Variants in PTPRM observed in about 807,000 individuals in gnomAD.
PTPRM encodes the protein protein tyrosine phosphatase receptor type M, also known as receptor-type tyrosine-protein phosphatase mu.
A neutral mutation model predicts 186.7 loss-of-function variants in PTPRM; 47 were observed. The ratio of observed to expected loss-of-function variants is 0.25; its 90% CI spans 0.20 to 0.32. The LOEUF (loss-of-function observed/expected upper bound fraction) is 0.32, where lower values mean the gene tolerates loss of function less well. PTPRM is among the 10% of genes least tolerant of loss of function. PTPRM has a pLI of 1.00. For synonymous variants in PTPRM, 668 were observed against 674.9 expected (o/e 0.99, Z 0.16); for missense variants, 1,494 against 1,865.0 (o/e 0.80, Z 3.66).
At chr18:7,717,882 T>A (rs896679833) in intron 1 of PTPRM, among the ~76,000 whole-genome samples, 3 of 152,208 alleles carry the variant, frequency 2.0e-5, no homozygotes, top group African/African-American at 4.8e-5. Context: ...CTGAAGTGGC[T>A]AGCCCTTTCC....
intron 2 of PTPRM, among the ~76,000 whole-genome samples, chr18:7,879,002 TAGTTAAA>T (rs1323142018): frequency 6.6e-6 from 1 of 152,242 alleles, no homozygotes; most frequent in African/African-American, 2.4e-5. Flanking sequence ...CGTCATCAGA[TAGTTAAA>T]AGGTTGTGTT....
intron 1 of PTPRM, among the ~76,000 whole-genome samples, chr18:7,706,349 A>G (rs9953589): frequency 0.54 from 82,056 of 151,476 alleles, 23,380 homozygotes; most frequent in East Asian, 0.97. Flanking sequence ...TGTAGTCTTA[A>G]AACTTTGGGA....
rs1376323608 is a variant in PTPRM at position 7,906,531 on chromosome 18, A to G, written c.495A>G (p.Gly165=). ...YQVIFEVITS[G]HQGYLAIDEV... ...TGATTTTTGAAGTGATAACTTCTGG[A>G]CATCAAGGCTATCTCGCTATCGATG... The change falls in exon 4 of 33, where the codon GGA becomes GGG. Residue 165 remains glycine (G), a synonymous_variant. Transcript: ENST00000580170. 1 of 1,613,376 alleles carries G rather than the reference A, an allele frequency of 6.2e-7. No homozygotes were observed.
At chr18:7,716,184 C>T (rs1196243280) in intron 1 of PTPRM, among the ~76,000 whole-genome samples, 1 of 152,118 alleles carries the variant, frequency 6.6e-6, no homozygotes, top group Non-Finnish European at 1.5e-5. Flanking sequence ...TGGAACAGAA[C>T]AGAGGCCTCA....
At chr18:7,667,789 A>G (rs111255995) in intron 1 of PTPRM, among the ~76,000 whole-genome samples, 3 of 152,174 alleles carry the variant, frequency 2.0e-5, no homozygotes, top group African/African-American at 7.2e-5. Flanking sequence ...AAAGATTTCA[A>G]ATGATTGTAT....
chr18:8,216,115 A>G (rs1448203307), intron 14 of PTPRM, among the ~76,000 whole-genome samples: 1 of 151,816 alleles, frequency 6.6e-6, no homozygotes, highest in Non-Finnish European at 1.5e-5. Context: ...TATTTCTTTA[A>G]TTTTTTTTAT....
At chr18:8,007,610 T>G (rs2084266369) in intron 7 of PTPRM, among the ~76,000 whole-genome samples, 1 of 152,308 alleles carries the variant, frequency 6.6e-6, no homozygotes, top group Admixed American at 6.5e-5. Context: ...GTCTGACCAC[T>G]GTTCATCCCG....
intron 1 of PTPRM, among the ~76,000 whole-genome samples, chr18:7,657,829 T>G (rs1338588743): frequency 6.6e-6 from 1 of 152,222 alleles, no homozygotes; most frequent in East Asian, 1.9e-4. Context: ...CAGGGAACAA[T>G]GAGGATTTTT....
intron 21 of PTPRM, among the ~76,000 whole-genome samples, chr18:8,318,419 C>G (rs1407949570): frequency 6.7e-6 from 1 of 149,148 alleles, no homozygotes; most frequent in East Asian, 2.1e-4. Flanking sequence ...GCCTCAGTCC[C>G]CAAAGTAGGT....
chr18:7,912,182 G>C (rs1366827699), intron 4 of PTPRM, among the ~76,000 whole-genome samples: 1 of 152,034 alleles, frequency 6.6e-6, no homozygotes, highest in Non-Finnish European at 1.5e-5. Flanking sequence ...ACAGGTCTAT[G>C]AGCTATTTGA....
At position 8,388,795 on chromosome 18, in the gene PTPRM, A is replaced by G. The variant is rs186390084; in HGVS notation, c.4208+1560A>G. On this transcript the variant is annotated intron_variant, in intron 31 of 32. Coordinates refer to ENST00000580170, the MANE Select transcript of PTPRM (RefSeq NM_001105244.2). ...GCTAACACGTTGAAACCCCGTCTCT[A>G]CTAAAAACACAAAAAATTAGCCAGG... 6.6e-3 allele frequency among the ~76,000 whole-genome samples: 1,004 copies of G among 152,250 alleles called. 11 individuals are homozygous for G. The highest frequency in any genetic ancestry group is 0.023 in the African/African-American group (957 of 41,552).
chr18:8,144,271 C>T (rs689319), intron 14 of PTPRM, among the ~76,000 whole-genome samples: 110,419 of 152,074 alleles, frequency 0.73, 41,791 homozygotes, highest in East Asian at 0.96. Flanking sequence ...AAAAACAGCC[C>T]GACAGAAAAA....
At chr18:8,043,149 T>G (rs1378762392) in intron 7 of PTPRM, among the ~76,000 whole-genome samples, 15 of 152,138 alleles carry the variant, frequency 9.9e-5, no homozygotes, top group African/African-American at 2.9e-4. Flanking sequence ...TGCTTCTGGT[T>G]CCTGTATAGC....
At chr18:7,585,428 T>A (rs2036954357) in intron 1 of PTPRM, among the ~76,000 whole-genome samples, 1 of 152,144 alleles carries the variant, frequency 6.6e-6, no homozygotes, top group Admixed American at 6.5e-5. Flanking sequence ...TTGAACTTGG[T>A]GGCTTGGCAG....
At chr18:8,268,293 A>G (rs143235752) in intron 19 of PTPRM, among the ~76,000 whole-genome samples, 44 of 152,244 alleles carry the variant, frequency 2.9e-4, no homozygotes, top group Non-Finnish European at 3.5e-4. Flanking sequence ...AATCCTATAC[A>G]TCTTTTGGTT....
chr18:8,288,988 C>A (rs2094990736), intron 19 of PTPRM, among the ~76,000 whole-genome samples: 1 of 152,096 alleles, frequency 6.6e-6, no homozygotes. Context: ...GACCCATGGC[C>A]AGGGTGACTT....
At chr18:8,270,901 G>A (rs1216666937) in intron 19 of PTPRM, among the ~76,000 whole-genome samples, 7 of 151,996 alleles carry the variant, frequency 4.6e-5, no homozygotes, top group East Asian at 1.9e-4. Flanking sequence ...AGATGAAGAA[G>A]TTCCGGGAAA....
intron 2 of PTPRM, among the ~76,000 whole-genome samples, chr18:7,786,104 T>G (rs2145148656): frequency 6.6e-6 from 1 of 152,352 alleles, no homozygotes; most frequent in South Asian, 2.1e-4. Context: ...AAGTGGACTT[T>G]AATGCATAGT....
chr18:7,654,171 A>AT (rs372452063), intron 1 of PTPRM, among the ~76,000 whole-genome samples: 21 of 151,574 alleles, frequency 1.4e-4, no homozygotes, highest in African/African-American at 4.9e-4. Flanking sequence ...GCAGTTGTTC[A>AT]TTTTTTTCTT....
Sources: allele counts gnomAD v4.1 joint callset (sites outside exome capture counted in the v4.1 genomes callset), GRCh38; gene constraint gnomAD v4.1.1; transcripts MANE v1.5; gene names NCBI Gene and HGNC (gene_info 2026-07-23, HGNC 2026-07-21).